The following AHNAK variants were observed in gnomAD, a reference collection of about 807,000 sequenced individuals.
The protein encoded by AHNAK is neuroblast differentiation-associated protein AHNAK.
A neutral mutation model predicts 37.8 loss-of-function variants in AHNAK; 23 were observed. That is an observed-to-expected ratio of 0.61 (90% confidence interval 0.44 to 0.86). The LOEUF is 0.86. Among genes scored for constraint, AHNAK ranks in the 40% least tolerant of loss-of-function variants. The pLI is 0.00. For missense variants in AHNAK, 7,411 were observed against 7,319.4 expected, an observed-to-expected ratio of 1.01 and a Z score of -0.46; for synonymous variants, 2,481 against 2,636.3, an observed-to-expected ratio of 0.94 and a Z score of 1.80.
intron 5 of AHNAK, among the ~76,000 whole-genome samples, chr11:62,461,824 C>CAAAAAAA (rs34702871): frequency 1.1e-5 from 1 of 90,104 alleles, no homozygotes; most frequent in African/African-American, 5.2e-5. Context: ...AACGACATCT[C>CAAAAAAA]AAAAAAAAAA....
Position 62,518,860 on chromosome 11 carries a change from G to A in AHNAK, c.15557C>T (p.Ser5186Phe), listed in dbSNP as rs758017546. 1.2e-6 allele frequency: 2 copies of A among 1,614,216 alleles called. No homozygotes were observed. The highest frequency in any genetic ancestry group is 1.7e-6 in the Non-Finnish European group (2 of 1,180,046). The part of the protein sequence containing the change: ...EGLDAKVKTP[S>F]FGISAPQVSI... ...GACTTGAGGGGCAGAAATGCCGAAG[G>A]ACGGTGTTTTGACTTTAGCATCTAG... Residue 5186 changes from serine to phenylalanine, a missense_variant, in exon 5 of 5, where the codon TCC becomes TTC. Physicochemically the swap from Ser to Phe is radical, Grantham distance 155. Coordinates refer to ENST00000378024, the MANE Select transcript of AHNAK (RefSeq NM_001620.3).
intron 4 of AHNAK, among the ~76,000 whole-genome samples, chr11:62,506,512 T>G (rs959004989): frequency 1.6e-4 from 25 of 152,030 alleles, no homozygotes; most frequent in Admixed American, 1.2e-3. Flanking sequence ...CCACCCAAAA[T>G]TCCTCCCTGC....
At position 62,524,266 on chromosome 11, in the gene AHNAK, T is replaced by G. The variant is rs1335918639; in HGVS notation, c.10151A>C (p.Lys3384Thr). 3 of 1,613,666 alleles carry G rather than the reference T, an allele frequency of 1.9e-6. No homozygotes were observed. The highest frequency in any genetic ancestry group is 2.5e-6 in the Non-Finnish European group (3 of 1,179,942). ...KKPDIDITGP[K>T]VDINAPDVEV... ...GACATCAGGAGCATTAATATCAACT[T>G]TTGGACCTGTTATGTCAATATCTGG... Residue 3384 changes from lysine to threonine, a missense_variant, in exon 5 of 5, where the codon AAA becomes ACA. Physicochemically the swap from Lys to Thr is moderately conservative, Grantham distance 78 (BLOSUM62 -1). Transcript: ENST00000378024.
chr11:62,516,814 T>A lies in AHNAK; in HGVS notation c.17603A>T (p.Asn5868Ile). The change falls in exon 5 of 5, where the codon AAT becomes ATT. Residue 5868 changes from asparagine to isoleucine, a missense_variant. Asn to Ile is a moderately radical substitution (Grantham distance 149). Transcript: ENST00000378024. ...KKSRLSSSSS[N>I]DSGNKVGIQL... ...GATGCCAACCTTATTCCCACTGTCA[T>A]TGCTAGAAGAGGAGGACAGTCGGGA... 2 of 1,614,118 alleles carry A rather than the reference T, an allele frequency of 1.2e-6. No individual in the cohort carries two copies. The highest frequency in any genetic ancestry group is 1.1e-5 in the South Asian group (1 of 91,076).
At chr11:62,473,545 C>T (rs1939083898) in intron 5 of AHNAK, among the ~76,000 whole-genome samples, 2 of 151,830 alleles carry the variant, frequency 1.3e-5, no homozygotes, top group Non-Finnish European at 2.9e-5. Flanking sequence ...ATTAGTCGGG[C>T]GTGGTGGCAG....
intron 5 of AHNAK, among the ~76,000 whole-genome samples, chr11:62,478,344 A>C (rs1460873270): frequency 1.3e-5 from 2 of 152,282 alleles, no homozygotes; most frequent in South Asian, 2.1e-4. Flanking sequence ...CTCCCCAACA[A>C]ATTCAGGAGA....
chr11:62,525,071 C>A lies in AHNAK; in HGVS notation c.9346G>T (p.Val3116Leu), dbSNP rs562734086. 4.3e-6 allele frequency: 7 copies of A among 1,614,098 alleles called. No homozygotes were observed. The Admixed American group carries it at 6.7e-5, about 15-fold the overall frequency. The change falls in exon 5 of 5, where the codon GTG (valine) becomes TTG (leucine). Residue 3116 changes from valine (V) to leucine (L), a missense_variant. Transcript: ENST00000378024. ...TCAGGAACTTTCATGTCACCTTCCA[C>A]TTTTGGCAGAGACACATCCATGTCA... ...KGDMDVSLPK[V>L]EGDMKVPDVD...
chr11:62,488,252 A>C (rs1939431430), intron 5 of AHNAK, among the ~76,000 whole-genome samples: 1 of 152,224 alleles, frequency 6.6e-6, no homozygotes, highest in Non-Finnish European at 1.5e-5. Flanking sequence ...GAGACATTTA[A>C]TTTAATCAAT....
chr11:62,516,034 T>C lies in AHNAK; in HGVS notation c.*710A>G. On this transcript the variant is annotated 3_prime_UTR_variant, in exon 5 of 5. Transcript: ENST00000378024. The stretch of plus-strand genomic sequence containing the variant: ...TGTTAAAAAGAAATCAGAACTAATA[T>C]CAGGAACATGGCGGCATGAAGGAAA... 8.5e-7 allele frequency: 1 copy of C among 1,182,350 alleles called. No individual in the cohort carries two copies. The highest frequency in any genetic ancestry group is 1.1e-6 in the Non-Finnish European group (1 of 937,018). 73.2% of individuals were successfully genotyped at this position (1,182,350 alleles called of 1,614,324 possible). A position where few individuals can be genotyped will look rare whatever the true frequency, so the allele number is the denominator to read the frequency against.
Position 62,528,363 on chromosome 11 carries a change from C to A in AHNAK, c.6054G>T (p.Met2018Ile), listed in dbSNP as rs774061065. 6.2e-7 allele frequency: 1 copy of A among 1,613,332 alleles called. No homozygotes were observed. The highest frequency in any genetic ancestry group is 1.1e-5 in the South Asian group (1 of 91,052). The change falls in exon 5 of 5, where the codon ATG (methionine) becomes ATT (isoleucine). Residue 2018 changes from methionine (M) to isoleucine (I), a missense_variant. Transcript: ENST00000378024. ...DVSVPKVEGE[M>I]KVPDVDIKGP... ...CTTTGATGTCAACATCTGGCACTTT[C>A]ATTTCACCTTCTACCTTGGGCACAG...
chr11:62,522,174 A>G lies in AHNAK; in HGVS notation c.12243T>C (p.Asp4081=). The part of the protein sequence containing the change: ...PGFKGEGPEV[D]VNLPKADIDV... ...CAATGTCAGCTTTGGGCAAATTAAC[A>G]TCCACTTCTGGGCCCTCTCCTTTAA... Residue 4081 remains aspartate, a synonymous_variant, in exon 5 of 5, where the codon GAT becomes GAC. Coordinates refer to ENST00000378024, the MANE Select transcript of AHNAK (RefSeq NM_001620.3). 1 of 1,613,134 alleles carries G rather than the reference A, an allele frequency of 6.2e-7. No homozygotes were observed. The highest frequency in any genetic ancestry group is 8.5e-7 in the Non-Finnish European group (1 of 1,179,838).
In AHNAK at chr11:62,521,291, G is replaced by C. The variant is rs751276727; in HGVS notation, c.13126C>G (p.Pro4376Ala). The stretch of plus-strand genomic sequence containing the variant: ...TTGGGGGCCTTGATGTTCATCTCTG[G>C]CATCTTGAACTTTGGACCCTTGAGT... ...AKLKGPKFKM[P>A]EMNIKAPKIS... Residue 4376 changes from proline (P) to alanine (A), a missense_variant, in exon 5 of 5, where the codon CCA (proline) becomes GCA (alanine). Coordinates refer to ENST00000378024, the MANE Select transcript of AHNAK (RefSeq NM_001620.3). 6.2e-7 allele frequency: 1 copy of C among 1,613,714 alleles called. No individual in the cohort carries two copies. The highest frequency in any genetic ancestry group is 8.5e-7 in the Non-Finnish European group (1 of 1,179,964).
rs1940023822 is a variant in AHNAK, at chr11:62,516,561, T to C, written c.*183A>G. On this transcript the variant is annotated 3_prime_UTR_variant, in exon 5 of 5. Coordinates refer to ENST00000378024, the MANE Select transcript of AHNAK (RefSeq NM_001620.3). Reference sequence around the variant, plus strand: ...GGACGAACTTGGAACTCTTTACCTATCTGTATAGTTCCAGGAGCCTACAGG... The same window carrying C: ...GGACGAACTTGGAACTCTTTACCTACCTGTATAGTTCCAGGAGCCTACAGG... The C allele has an allele frequency of 6.9e-7, 1 of 1,445,712 alleles. No individual in the cohort carries two copies. Among genetic ancestry groups the C allele is most frequent in the Non-Finnish European group, 9.0e-7 (1 of 1,108,684 alleles). 89.6% of individuals were successfully genotyped at this position (1,445,712 alleles called of 1,614,324 possible). A position where few individuals can be genotyped will look rare whatever the true frequency, so the allele number is the denominator to read the frequency against.
chr11:62,539,095 C>A (rs1292763560), intron 1 of AHNAK, among the ~76,000 whole-genome samples: 1 of 152,188 alleles, frequency 6.6e-6, no homozygotes, highest in Non-Finnish European at 1.5e-5. Flanking sequence ...GGCGAAAACA[C>A]CTCCTCCCTT....
In AHNAK at chr11:62,543,107, G is replaced by C. The variant is rs556122714; in HGVS notation, c.-100+3553C>G. 2.0e-5 allele frequency among the ~76,000 whole-genome samples: 3 copies of C among 152,234 alleles called. No homozygotes were observed. In the South Asian group the frequency reaches 6.2e-4, roughly 32 times the overall value. On this transcript the variant is annotated intron_variant, in intron 1 of 4. Transcript: ENST00000378024. Reference sequence around the variant, plus strand: ...CTCCAGCCCCCGGGGGACCGGGCAGGATGCCCCTCCCTGACAGGCCGTGTG... The same window carrying C: ...CTCCAGCCCCCGGGGGACCGGGCAGCATGCCCCTCCCTGACAGGCCGTGTG...
downstream of AHNAK, among the ~76,000 whole-genome samples, chr11:62,513,624 G>T (rs974049130): frequency 6.6e-6 from 1 of 152,020 alleles, no homozygotes; most frequent in Non-Finnish European, 1.5e-5. Context: ...GCATGGGCAG[G>T]GCGAGGGAGC....
chr11:62,546,050 T>C (rs925811741), intron 1 of AHNAK: 2 of 152,880 alleles, frequency 1.3e-5, no homozygotes, highest in African/African-American at 4.8e-5. Context: ...GAAGGTTTTC[T>C]GGAGCGGGGA....
intron 5 of AHNAK, among the ~76,000 whole-genome samples, chr11:62,480,470 G>A (rs1939245374): frequency 6.6e-6 from 1 of 151,892 alleles, no homozygotes; most frequent in Admixed American, 6.6e-5. Flanking sequence ...GATCCGCCTG[G>A]CCAAGATGGT....
At chr11:62,465,299 T>A (rs1938885436) in intron 5 of AHNAK, among the ~76,000 whole-genome samples, 1 of 152,112 alleles carries the variant, frequency 6.6e-6, no homozygotes, top group Non-Finnish European at 1.5e-5. Context: ...GGAAACACGG[T>A]CTTTGCAGAT....
Sources: gnomAD v4.1 joint callset for allele counts (sites outside exome capture counted in the v4.1 genomes callset) on GRCh38, gnomAD v4.1.1 for gene constraint, MANE v1.5 for transcripts, NCBI Gene and HGNC (gene_info 2026-07-23, HGNC 2026-07-21) for gene names.